C17orf99: variants seen among roughly 807,000 people sequenced by gnomAD.
The protein encoded by C17orf99 is chromosome 17 open reading frame 99.
Under a neutral mutation model 22.6 loss-of-function variants are expected in C17orf99, and 18 were observed. That is an observed-to-expected ratio of 0.80 (90% CI 0.55 to 1.18). The LOEUF is 1.18. Among genes scored for constraint, C17orf99 ranks in the 50% most tolerant of loss-of-function variants. The probability of loss-of-function intolerance (pLI) is 0.00; values close to 1 mark genes in which losing one functional copy is unlikely to be tolerated. For synonymous variants in C17orf99, 147 were observed against 136.6 expected, an observed-to-expected ratio of 1.08 and a Z score of -0.53; for missense variants, 328 against 342.7, an observed-to-expected ratio of 0.96 and a Z score of 0.34.
At chr17:78,152,046 C>T (rs763610334) in intron 2 of C17orf99, among the ~76,000 whole-genome samples, 1 of 152,146 alleles carries the variant, frequency 6.6e-6, no homozygotes, top group African/African-American at 2.4e-5. Flanking sequence ...GCAGTGACCC[C>T]GTGCCCAGCC....
In C17orf99 at chr17:78,146,730, GT is replaced by G. The variant is rs147459634; in HGVS notation, c.38-148del. 0.27 allele frequency: 205,623 copies of G among 769,754 alleles called. 31,154 individuals are homozygous for G. The highest frequency in any genetic ancestry group is 0.34 in the Middle Eastern group (1,406 of 4,106). 47.7% of individuals were successfully genotyped at this position (769,754 alleles called of 1,614,324 possible). ...GGGGGAGGGGCGCAAAAGAGCTTTT[GT>G]GAGTGATGGTGCCAGCTGAGTCCTG... is the stretch of plus-strand genomic sequence containing the variant. On this transcript the variant is annotated intron_variant, in intron 1 of 4. Coordinates refer to ENST00000340363, the MANE Select transcript of C17orf99 (RefSeq NM_001163075.2). This position sits in a 1 kb window ranked among gnomAD's most constrained non-coding sequence, Gnocchi z 5.2.
chr17:78,155,680 A>C (rs1228397196), intron 2 of C17orf99, among the ~76,000 whole-genome samples: 1 of 152,028 alleles, frequency 6.6e-6, no homozygotes, highest in Non-Finnish European at 1.5e-5. Flanking sequence ...ATGCTAGAGT[A>C]CAATGGCAGG....
rs1219110833 is a variant in C17orf99, at chr17:78,166,033, C to A, written c.785C>A (p.Ala262Glu). 1.1e-5 allele frequency: 15 copies of A among 1,375,776 alleles called. No individual in the cohort carries two copies. The highest frequency in any genetic ancestry group is 2.9e-5 in the African/African-American group (2 of 69,258). The allele number at this position is 1,375,776 out of a possible 1,614,324, so 85.2% of individuals were successfully genotyped here. A position where few individuals can be genotyped will look rare whatever the true frequency, so the allele number is the denominator to read the frequency against. The change falls in exon 5 of 5, where the codon GCA becomes GAA. Residue 262 changes from alanine to glutamate, a missense_variant. Ala to Glu is a moderately radical substitution (Grantham distance 107). Coordinates refer to ENST00000340363, the MANE Select transcript of C17orf99 (RefSeq NM_001163075.2). Reference protein sequence around the residue: ...IGNGEVRGRKAAAM With the variant: ...IGNGEVRGRKEAAM ...AATGGGGAGGTCAGAGGACGCAAAGCAGCAGCCATGTAGAATGAACCGTCC... is the reference window on the plus strand; with the variant it reads ...AATGGGGAGGTCAGAGGACGCAAAGAAGCAGCCATGTAGAATGAACCGTCC...
intron 3 of C17orf99, among the ~76,000 whole-genome samples, chr17:78,163,050 G>T (rs377394966): frequency 1.2e-4 from 18 of 152,354 alleles, no homozygotes; most frequent in African/African-American, 4.1e-4. Context: ...CTCCTAAAGT[G>T]CTGGGATTAT....
At chr17:78,146,132 G>A (rs975192742), upstream of C17orf99, among the ~76,000 whole-genome samples, 10 of 152,156 alleles carry the variant, frequency 6.6e-5, no homozygotes, top group South Asian at 2.1e-4. This position sits in a 1 kb window ranked among gnomAD's most constrained non-coding sequence, Gnocchi z 5.2. Flanking sequence ...GGGATCCTGC[G>A]GCTCAGAGGT....
chr17:78,148,848 G>C (rs1017367419), intron 2 of C17orf99, among the ~76,000 whole-genome samples: 2 of 152,168 alleles, frequency 1.3e-5, no homozygotes, highest in African/African-American at 4.8e-5. Context: ...ACCCTTGGCC[G>C]AGGTCATTTG....
intron 2 of C17orf99, chr17:78,159,946 A>G: frequency 2.4e-6 from 1 of 416,960 alleles, no homozygotes; most frequent in Admixed American, 2.9e-5. Context: ...GATCAACCAC[A>G]TTCTATTTAC....
intron 2 of C17orf99, among the ~76,000 whole-genome samples, chr17:78,149,385 G>T (rs1402265055): frequency 6.7e-6 from 1 of 148,904 alleles, no homozygotes; most frequent in Non-Finnish European, 1.5e-5. Context: ...GGCCCATCTG[G>T]AAGGACTGGC....
At chr17:78,150,142 G>A (rs1221614369) in intron 2 of C17orf99, among the ~76,000 whole-genome samples, 3 of 152,018 alleles carry the variant, frequency 2.0e-5, no homozygotes, top group Non-Finnish European at 4.4e-5. Flanking sequence ...CAGAGTAACT[G>A]GGACTATAGG....
At chr17:78,152,471 A>C (rs1379195097) in intron 2 of C17orf99, among the ~76,000 whole-genome samples, 1 of 151,876 alleles carries the variant, frequency 6.6e-6, no homozygotes, top group Non-Finnish European at 1.5e-5. Context: ...AGTAGCTGGG[A>C]TTACAGGCAC....
intron 2 of C17orf99, among the ~76,000 whole-genome samples, chr17:78,153,741 T>C (rs1003017090): frequency 6.6e-6 from 1 of 152,148 alleles, no homozygotes; most frequent in Non-Finnish European, 1.5e-5. Flanking sequence ...CGATAGTTTC[T>C]GGACCATGAA....
Position 78,146,755 on chromosome 17 carries a change from TG to T in C17orf99, c.38-120del. On this transcript the variant is annotated intron_variant, in intron 1 of 4. Coordinates refer to ENST00000340363, the MANE Select transcript of C17orf99 (RefSeq NM_001163075.2). The surrounding 1 kb of genome is among the most constrained non-coding windows in gnomAD (Gnocchi z 5.2). ...GTGAGTGATGGTGCCAGCTGAGTCC[TG>T]GGGCCTCACTACCAAGAATCAGCCT... The T allele has an allele frequency of 1.1e-6, 1 of 928,310 alleles. No individual in the cohort carries two copies. The highest frequency in any genetic ancestry group is 1.7e-6 in the Non-Finnish European group (1 of 590,350). 57.5% of individuals were successfully genotyped at this position (928,310 alleles called of 1,614,324 possible).
intron 2 of C17orf99, among the ~76,000 whole-genome samples, chr17:78,156,160 T>C (rs1449997689): frequency 6.7e-6 from 1 of 150,102 alleles, no homozygotes; most frequent in African/African-American, 2.4e-5. Context: ...CGAAACCCAG[T>C]CTCTACTAAA....
At chr17:78,158,907 T>C (rs1221695998) in intron 2 of C17orf99, 3 of 162,310 alleles carry the variant, frequency 1.8e-5, no homozygotes, top group African/African-American at 7.2e-5. Context: ...CTGTTACCCA[T>C]AGCCCTGAGC....
intron 2 of C17orf99, among the ~76,000 whole-genome samples, chr17:78,156,818 T>C (rs1162857046): frequency 4.6e-5 from 7 of 151,976 alleles, no homozygotes; most frequent in East Asian, 1.9e-4. Context: ...TAGTTCTCAC[T>C]GTGTTGTTGA....
intron 2 of C17orf99, among the ~76,000 whole-genome samples, chr17:78,156,702 C>A (rs551540675): frequency 6.6e-6 from 1 of 152,174 alleles, no homozygotes; most frequent in East Asian, 1.9e-4. Flanking sequence ...CTTCAGTCTC[C>A]CAAGCTCAAG....
intron 4 of C17orf99, 52 bp from the exon 5 acceptor site, chr17:78,165,837 G>T: frequency 7.8e-7 from 1 of 1,279,604 alleles, no homozygotes; most frequent in Non-Finnish European, 1.0e-6. Context: ...CCTCGGGAGG[G>T]GATGGCTGGG....
intron 2 of C17orf99, chr17:78,157,325 C>G: frequency 3.4e-6 from 2 of 588,330 alleles, no homozygotes; most frequent in Non-Finnish European, 5.4e-6. Flanking sequence ...GACCTGTGTT[C>G]AGCAGCGGCG....
chr17:78,164,505 C>T, intron 4 of C17orf99, 141 bp downstream of exon 4: 1 of 1,538,952 alleles, frequency 6.5e-7, no homozygotes, highest in Non-Finnish European at 8.7e-7. Flanking sequence ...AGGAGGCAAC[C>T]ATGCCCACCC....
Sources: allele counts gnomAD v4.1 joint callset (sites outside exome capture counted in the v4.1 genomes callset), GRCh38; gene constraint gnomAD v4.1.1; non-coding constraint Gnocchi (gnomAD v3.1); transcripts MANE v1.5; gene names NCBI Gene and HGNC (gene_info 2026-07-23, HGNC 2026-07-21).